Variants in TRIM2 observed in about 807,000 individuals in gnomAD.
TRIM2 encodes the protein tripartite motif-containing protein 2.
TRIM2 carries 20 observed loss-of-function variants against 75.2 expected under a neutral mutation model. The ratio of observed to expected loss-of-function variants is 0.27; its 90% CI spans 0.19 to 0.39. The LOEUF (loss-of-function observed/expected upper bound fraction) is 0.39, where lower values mean the gene tolerates loss of function less well. Among genes scored for constraint, TRIM2 ranks in the 10% least tolerant of loss-of-function variants. The pLI, the probability that TRIM2 is intolerant of heterozygous loss-of-function variation, is 1.00. For missense variants in TRIM2, 660 were observed against 990.8 expected, an observed-to-expected ratio of 0.67 and a Z score of 4.48; for synonymous variants, 373 against 388.3, an observed-to-expected ratio of 0.96 and a Z score of 0.46.
intron 1 of TRIM2, among the ~76,000 whole-genome samples, chr4:153,232,190 C>T (rs1385640179): frequency 2.6e-5 from 4 of 152,112 alleles, no homozygotes; most frequent in African/African-American, 9.7e-5. Flanking sequence ...GGGAGGGGGA[C>T]ACAATTCAAC....
intron 1 of TRIM2, among the ~76,000 whole-genome samples, chr4:153,254,887 A>C (rs1751687578): frequency 6.6e-6 from 1 of 152,172 alleles, no homozygotes; most frequent in Non-Finnish European, 1.5e-5. Context: ...CAGGTAAAAG[A>C]TCAGAAACAG....
At chr4:153,259,556 C>T (rs1416046112) in intron 1 of TRIM2, among the ~76,000 whole-genome samples, 1 of 152,104 alleles carries the variant, frequency 6.6e-6, no homozygotes, top group Non-Finnish European at 1.5e-5. Flanking sequence ...AATGTGCTGC[C>T]AAATTATTTA....
chr4:153,259,258 A>G (rs572039090), intron 1 of TRIM2, among the ~76,000 whole-genome samples: 2 of 152,344 alleles, frequency 1.3e-5, no homozygotes, highest in South Asian at 4.1e-4. Flanking sequence ...TTATTATAAC[A>G]AAAGCTTCAT....
At chr4:153,221,127 G>T (rs912474013) in intron 1 of TRIM2, among the ~76,000 whole-genome samples, 1 of 152,190 alleles carries the variant, frequency 6.6e-6, no homozygotes, top group African/African-American at 2.4e-5. Context: ...GCAAAATGTG[G>T]TGTATTTATA....
At position 153,204,492 on chromosome 4, in the gene TRIM2, C is replaced by A; in HGVS notation, c.-39C>A. The A allele has an allele frequency of 6.4e-7, 1 of 1,551,346 alleles. No homozygotes were observed. The highest frequency in any genetic ancestry group is 8.7e-7 in the Non-Finnish European group (1 of 1,146,710). On this transcript the variant is annotated 5_prime_UTR_variant, in exon 1 of 12. Transcript: ENST00000338700. ...CCAGTTGTCTGCGGGCTGCGGGGAG[C>A]TAAGTCCCCAGATTGGAGGAGGCTG...
intron 8 of TRIM2, among the ~76,000 whole-genome samples, chr4:153,317,132 G>A (rs4574388): frequency 0.21 from 30,901 of 148,726 alleles, 3,525 homozygotes; most frequent in African/African-American, 0.31. Context: ...CGCCCGCCTC[G>A]GCCTCCCAAA....
intron 1 of TRIM2, among the ~76,000 whole-genome samples, chr4:153,183,965 C>A (rs1433691730): frequency 6.6e-6 from 1 of 152,126 alleles, no homozygotes; most frequent in African/African-American, 2.4e-5. Flanking sequence ...GTAATATTGC[C>A]TACCTCATAG....
chr4:153,264,232 T>C (rs1387837579), intron 1 of TRIM2, among the ~76,000 whole-genome samples: 5 of 152,216 alleles, frequency 3.3e-5, no homozygotes, highest in African/African-American at 7.2e-5. Context: ...AAACTCTTTT[T>C]GGCTAAGGTC....
At chr4:153,234,259 T>C (rs1423262546) in intron 1 of TRIM2, among the ~76,000 whole-genome samples, 4 of 152,190 alleles carry the variant, frequency 2.6e-5, no homozygotes, top group Admixed American at 2.6e-4. Flanking sequence ...TTGACATCTA[T>C]GATGTTGCTT....
At chr4:153,163,495 CT>C (rs70949644) in intron 1 of TRIM2, among the ~76,000 whole-genome samples, 10,922 of 96,968 alleles carry the variant, frequency 0.11, 253 homozygotes, top group African/African-American at 0.15. Context: ...AGATTTACAT[CT>C]TTTTTTTTTT....
At chr4:153,176,228 C>T (rs62323664) in intron 1 of TRIM2, among the ~76,000 whole-genome samples, 17,979 of 151,530 alleles carry the variant, frequency 0.12, 1,467 homozygotes, top group Non-Finnish European at 0.19. Context: ...TGGAGGCAGG[C>T]GGGTTACTTG....
chr4:153,294,181 G>T, intron 4 of TRIM2, 124 bp from the exon 5 acceptor site: 1 of 964,256 alleles, frequency 1.0e-6, no homozygotes, highest in South Asian at 1.7e-5. Context: ...CTGTTCTCTG[G>T]TTATTGTTTT....
chr4:153,201,302 G>A (rs1205548291), upstream of TRIM2, among the ~76,000 whole-genome samples: 1 of 152,042 alleles, frequency 6.6e-6, no homozygotes, highest in Non-Finnish European at 1.5e-5. Flanking sequence ...AATGACTAAT[G>A]TTGAGCATCT....
chr4:153,308,112 G>A (rs545705718), intron 6 of TRIM2: 1 of 959,508 alleles, frequency 1.0e-6, no homozygotes, highest in Admixed American at 1.7e-5. Context: ...GCTCCGCTCG[G>A]TCATGACGCT....
intron 3 of TRIM2, among the ~76,000 whole-genome samples, chr4:153,279,608 C>A (rs56385036): frequency 0.086 from 13,070 of 151,974 alleles, 731 homozygotes; most frequent in Middle Eastern, 0.14. Flanking sequence ...AAAAAGAATT[C>A]CAGCCTGGGC....
At chr4:153,198,437 C>T (rs895070055) in intron 1 of TRIM2, among the ~76,000 whole-genome samples, 3 of 152,166 alleles carry the variant, frequency 2.0e-5, no homozygotes, top group African/African-American at 7.2e-5. Context: ...TTGCTGCCAC[C>T]ATGTAAGATA....
intron 1 of TRIM2, among the ~76,000 whole-genome samples, chr4:153,239,351 CA>C (rs370599567): frequency 0.018 from 1,921 of 107,432 alleles, 31 homozygotes; most frequent in African/African-American, 0.044. Flanking sequence ...GACTCCGTCT[CA>C]AAAAAAAAAA....
rs187896441 is a variant in TRIM2, at chr4:153,323,879, C to T, written c.1952-199C>T. Among the ~76,000 whole-genome samples, 36 of 152,138 alleles carry T rather than the reference C, an allele frequency of 2.4e-4. 2 individuals carry two copies. Among genetic ancestry groups the T allele is most frequent in the African/African-American group, 7.9e-4 (33 of 41,510 alleles). On this transcript the variant is annotated intron_variant, in intron 9 of 11. Coordinates refer to ENST00000338700, the MANE Select transcript of TRIM2 (RefSeq NM_015271.5). ...TTGAGAAAGAGTCAGAATAGACTGG[C>T]GCAAGTAGAGAATAATATAGGATCC...
intron 1 of TRIM2, among the ~76,000 whole-genome samples, chr4:153,250,491 A>G (rs1303370634): frequency 6.6e-6 from 1 of 152,162 alleles, no homozygotes; most frequent in African/African-American, 2.4e-5. Context: ...TATTAATGGG[A>G]TGGTTTGTTA....
Sources: gnomAD v4.1 joint callset for allele counts (sites outside exome capture counted in the v4.1 genomes callset) on GRCh38, gnomAD v4.1.1 for gene constraint, MANE v1.5 for transcripts, NCBI Gene and HGNC (gene_info 2026-07-23, HGNC 2026-07-21) for gene names.